DNAI7: variants seen among roughly 807,000 people sequenced by gnomAD.
DNAI7 encodes the protein dynein axonemal intermediate chain 7.
Under a neutral mutation model 86.6 loss-of-function variants are expected in DNAI7, and 78 were observed. The observed-to-expected ratio is 0.90, with a 90% CI of 0.75 to 1.09. DNAI7 has a LOEUF of 1.09. DNAI7 is among the 50% of genes least tolerant of loss of function. The probability of loss-of-function intolerance (pLI) is 0.00; values close to 1 mark genes in which losing one functional copy is unlikely to be tolerated. For missense variants in DNAI7, 753 were observed against 810.2 expected (o/e 0.93, Z 0.86); for synonymous variants, 274 against 273.0 (o/e 1.00, Z -0.04).
chr12:25,163,123 G>C (rs1376226594), intron 2 of DNAI7, among the ~76,000 whole-genome samples: 1 of 152,046 alleles, frequency 6.6e-6, no homozygotes, highest in Admixed American at 6.6e-5. Flanking sequence ...AAAAATGCAA[G>C]TTTAAAAGCA....
rs573270568 is a variant in DNAI7 at position 25,142,141 on chromosome 12, G to A, written c.1002+2224C>T. On this transcript the variant is annotated intron_variant, in intron 9 of 15. Coordinates refer to ENST00000395987, the MANE Select transcript of DNAI7 (RefSeq NM_018272.5). ...AGTGGATAAAGAAAATGAGGTATAT[G>A]TGTACCATGGAATACCACTCAGCCA... 2.0e-5 allele frequency among the ~76,000 whole-genome samples: 3 copies of A among 152,280 alleles called. No homozygotes were observed. The South Asian group carries it at 6.2e-4, about 32-fold the overall frequency.
chr12:25,109,230 G>A (rs1378779412), intron 15 of DNAI7, among the ~76,000 whole-genome samples: 1 of 152,222 alleles, frequency 6.6e-6, no homozygotes, highest in Non-Finnish European at 1.5e-5. Flanking sequence ...AATAAATACA[G>A]TGGCTTGTTT....
At chr12:25,153,726 TTC>T (rs1945833264) in intron 6 of DNAI7, among the ~76,000 whole-genome samples, 1 of 152,204 alleles carries the variant, frequency 6.6e-6, no homozygotes, top group South Asian at 2.1e-4. Flanking sequence ...CCTTCTTACT[TTC>T]TGGATTGTTT....
At chr12:25,189,989 TAAA>T (rs71449907) in intron 2 of DNAI7, among the ~76,000 whole-genome samples, 1 of 19,084 alleles carries the variant, frequency 5.2e-5, no homozygotes, top group Non-Finnish European at 1.2e-4. Context: ...GCAACTGATT[TAAA>T]AAAAAAAAAA....
chr12:25,119,363 A>C (rs2291364), intron 11 of DNAI7, 62 bp from the exon 12 acceptor site: 143,058 of 1,014,242 alleles, frequency 0.14, 11,535 homozygotes, highest in Admixed American at 0.2. Flanking sequence ...AAATGTAAAT[A>C]GTACTGAATA....
chr12:25,119,294 T>C lies in DNAI7; in HGVS notation c.1247A>G (p.Lys416Arg). ...ATATGTGTATTTCTGTAATCCTTCT[T>C]TGAGTATCTTTTTAAAATGACCAAA... is the stretch of plus-strand genomic sequence containing the variant. Reference protein sequence around the residue: ...VKGWMIVEILKEGLQKYTYPP... With the variant: ...VKGWMIVEILREGLQKYTYPP... Residue 416 changes from lysine to arginine, a missense_variant, in exon 12 of 16, where the codon AAA becomes AGA. Lys to Arg is a conservative substitution (Grantham distance 26). Coordinates refer to ENST00000395987, the MANE Select transcript of DNAI7 (RefSeq NM_018272.5). 3 of 1,600,404 alleles carry C rather than the reference T, an allele frequency of 1.9e-6. No individual in the cohort carries two copies. Among genetic ancestry groups the C allele is most frequent in the Non-Finnish European group, 2.6e-6 (3 of 1,174,544 alleles).
intron 7 of DNAI7, 122 bp downstream of exon 7, chr12:25,149,506 A>G: frequency 1.5e-6 from 1 of 686,522 alleles, no homozygotes; most frequent in Non-Finnish European, 2.5e-6. Flanking sequence ...ATGTACTCTA[A>G]ATTATTCTGC....
chr12:25,132,783 T>C lies in DNAI7; in HGVS notation c.1003-9497A>G, dbSNP rs190098011. ...ATTACTTATTTGGTTCAGTACATTTTTGGCTAGTTGTATTTCTTTTCTCAG... is the reference window on the plus strand; with the variant it reads ...ATTACTTATTTGGTTCAGTACATTTCTGGCTAGTTGTATTTCTTTTCTCAG... On this transcript the variant is annotated intron_variant, in intron 9 of 15. Transcript: ENST00000395987. Among the ~76,000 whole-genome samples, 398 of 150,568 alleles carry C rather than the reference T, an allele frequency of 2.6e-3. 9 individuals are homozygous for C. Among genetic ancestry groups the C allele is most frequent in the Non-Finnish European group, 4.0e-3 (271 of 68,014 alleles).
At chr12:25,145,073 G>C (rs1157671857) in intron 8 of DNAI7, among the ~76,000 whole-genome samples, 2 of 152,134 alleles carry the variant, frequency 1.3e-5, no homozygotes, top group Non-Finnish European at 2.9e-5. Context: ...TGTAATATGA[G>C]CTTTATTTTT....
rs553646594 is a variant in DNAI7, at chr12:25,108,445, T to C, written c.*103A>G. 6 of 970,596 alleles carry C rather than the reference T, an allele frequency of 6.2e-6. No individual in the cohort carries two copies. The African/African-American group carries it at 9.9e-5, about 16-fold the overall frequency. 60.1% of individuals were successfully genotyped at this position (970,596 alleles called of 1,614,324 possible). ...TGCAGATTAGAAAATTTTTAATAGT[T>C]GATTTGAAATGTATTCATTCACTCA... On this transcript the variant is annotated 3_prime_UTR_variant, in exon 16 of 16. Transcript: ENST00000395987.
intron 14 of DNAI7, among the ~76,000 whole-genome samples, chr12:25,111,483 T>G (rs888372199): frequency 3.9e-5 from 6 of 152,178 alleles, no homozygotes; most frequent in Admixed American, 1.3e-4. Flanking sequence ...TAATATCCAG[T>G]AATGCAAAAA....
intron 9 of DNAI7, among the ~76,000 whole-genome samples, chr12:25,126,637 A>G (rs1409312964): frequency 6.6e-6 from 1 of 152,196 alleles, no homozygotes; most frequent in African/African-American, 2.4e-5. Flanking sequence ...AAAAAAGAAA[A>G]AAGAAAAGGA....
intron 10 of DNAI7, 52 bp from the exon 11 acceptor site, chr12:25,121,965 C>A: frequency 7.9e-7 from 1 of 1,263,586 alleles, no homozygotes; most frequent in South Asian, 1.6e-5. Flanking sequence ...TTAGTATGTT[C>A]TTAGGAAAGA....
intron 9 of DNAI7, among the ~76,000 whole-genome samples, chr12:25,142,750 T>G (rs1944359237): frequency 6.6e-6 from 1 of 152,190 alleles, no homozygotes; most frequent in South Asian, 2.1e-4. Context: ...TTATTTTAGG[T>G]TAATGGGGTT....
chr12:25,121,906 C>T lies in DNAI7; in HGVS notation c.1086G>A (p.Leu362=). Reference sequence around the variant, plus strand: ...TTTCAGAAGAATTCTCTACCAGCAACAACTGTGCTAAAATTAATCAGATTA... The same window carrying T: ...TTTCAGAAGAATTCTCTACCAGCAATAACTGTGCTAAAATTAATCAGATTA... ...VLSETVSAAQ[L]LLVENSSEKP... Residue 362 remains leucine, a synonymous_variant, in exon 11 of 16, where the codon TTG becomes TTA. Transcript: ENST00000395987. 1 of 1,579,468 alleles carries T rather than the reference C, an allele frequency of 6.3e-7. No homozygotes were observed. The highest frequency in any genetic ancestry group is 8.6e-7 in the Non-Finnish European group (1 of 1,169,148).
intron 9 of DNAI7, among the ~76,000 whole-genome samples, chr12:25,124,061 T>TGC (rs1555159149): frequency 3.3e-5 from 5 of 151,404 alleles, no homozygotes; most frequent in African/African-American, 1.2e-4. Flanking sequence ...TGTGTGTGTG[T>TGC]GCTAATACTT....
chr12:25,136,657 A>G (rs771312927), intron 9 of DNAI7, among the ~76,000 whole-genome samples: 3 of 152,202 alleles, frequency 2.0e-5, no homozygotes, highest in Admixed American at 6.5e-5. Flanking sequence ...AAGAAATTGT[A>G]AAAATGATAC....
At chr12:25,150,765 T>C (rs1214118820) in intron 6 of DNAI7, among the ~76,000 whole-genome samples, 1 of 152,104 alleles carries the variant, frequency 6.6e-6, no homozygotes, top group African/African-American at 2.4e-5. Flanking sequence ...GTGTGACAGC[T>C]TTCATTAGCA....
At chr12:25,150,338 C>A (rs1461578144) in intron 6 of DNAI7, among the ~76,000 whole-genome samples, 1 of 152,112 alleles carries the variant, frequency 6.6e-6, no homozygotes, top group Non-Finnish European at 1.5e-5. Flanking sequence ...GGCGCAGTGG[C>A]TCATGCCTGC....
Sources: allele counts gnomAD v4.1 joint callset (sites outside exome capture counted in the v4.1 genomes callset), GRCh38; gene constraint gnomAD v4.1.1; transcripts MANE v1.5; gene names NCBI Gene and HGNC (gene_info 2026-07-23, HGNC 2026-07-21).